APBA2: variants seen among roughly 807,000 people sequenced by gnomAD.
The protein encoded by APBA2 is amyloid beta precursor protein binding family A member 2.
Under a neutral mutation model 75.0 loss-of-function variants are expected in APBA2, and 30 were observed. That is an observed-to-expected ratio of 0.40 (90% CI 0.30 to 0.54). The LOEUF is 0.54. Among genes scored for constraint, APBA2 ranks in the 20% least tolerant of loss-of-function variants. The pLI, the probability that APBA2 is intolerant of heterozygous loss-of-function variation, is 0.49. For missense variants in APBA2, 801 were observed against 1,016.1 expected (o/e 0.79, Z 2.88); for synonymous variants, 444 against 409.6 (o/e 1.08, Z -1.01).
chr15:29,071,885 G>A (rs958837315), intron 4 of APBA2, among the ~76,000 whole-genome samples: 6 of 151,982 alleles, frequency 3.9e-5, no homozygotes, highest in South Asian at 4.2e-4. Context: ...TGTGTTGCCC[G>A]TGGACACCCC....
intron 3 of APBA2, among the ~76,000 whole-genome samples, chr15:29,030,271 A>G (rs535015790): frequency 4.5e-4 from 68 of 152,200 alleles, no homozygotes; most frequent in African/African-American, 1.6e-3. Flanking sequence ...CATCCTGGCT[A>G]ACATGGTGAA....
intron 2 of APBA2, among the ~76,000 whole-genome samples, chr15:28,936,481 C>T (rs1032279744): frequency 6.6e-6 from 1 of 152,200 alleles, no homozygotes; most frequent in African/African-American, 2.4e-5. Flanking sequence ...TTGGATACAC[C>T]GGTTCTGTGT....
intron 2 of APBA2, among the ~76,000 whole-genome samples, chr15:28,936,964 C>T (rs1027723480): frequency 3.9e-5 from 6 of 152,134 alleles, no homozygotes; most frequent in Middle Eastern, 6.3e-3. Flanking sequence ...CTCCAGTCTG[C>T]GAAATGGGCA....
chr15:29,071,055 A>T (rs2042598325), intron 4 of APBA2: 1 of 456,636 alleles, frequency 2.2e-6, no homozygotes, highest in Non-Finnish European at 4.4e-6. Flanking sequence ...CATTCCAGAG[A>T]GTGCTTGGAA....
chr15:28,892,488 G>A (rs1327459009), intron 1 of APBA2, among the ~76,000 whole-genome samples: 1 of 152,184 alleles, frequency 6.6e-6, no homozygotes, highest in Non-Finnish European at 1.5e-5. Flanking sequence ...CAGGTGTGTA[G>A]CCTGGGAGCA....
intron 4 of APBA2, among the ~76,000 whole-genome samples, chr15:29,064,152 C>G (rs1447640247): frequency 1.3e-5 from 2 of 152,110 alleles, no homozygotes; most frequent in Middle Eastern, 6.3e-3. Flanking sequence ...GCTGAGAAGC[C>G]CACACACCTC....
At chr15:29,055,077 T>C (rs1224090834) in intron 4 of APBA2, among the ~76,000 whole-genome samples, 1 of 152,194 alleles carries the variant, frequency 6.6e-6, no homozygotes, top group Non-Finnish European at 1.5e-5. Flanking sequence ...TGGCAACTCG[T>C]GTCTCGCAGA....
chr15:29,013,358 C>T lies in APBA2; in HGVS notation c.-41+17552C>T, dbSNP rs111832896. 0.021 allele frequency among the ~76,000 whole-genome samples: 3,070 copies of T among 146,996 alleles called. 164 individuals are homozygous for T. In the East Asian group the frequency reaches 0.21, roughly 10 times the overall value. ...GCAGTGGCATGATCTCGGCTTGCTG[C>T]GAGCTCCGCCTCACGGGTTCACGCC... is the stretch of plus-strand genomic sequence containing the variant. On this transcript the variant is annotated intron_variant, in intron 3 of 14. Transcript: ENST00000683413.
intron 2 of APBA2, among the ~76,000 whole-genome samples, chr15:28,934,310 G>T (rs1015615339): frequency 6.6e-6 from 1 of 152,162 alleles, no homozygotes; most frequent in Non-Finnish European, 1.5e-5. Flanking sequence ...GTGGACTCCT[G>T]TCTGCAGGTG....
chr15:29,064,877 G>A (rs1409428645), intron 4 of APBA2, among the ~76,000 whole-genome samples: 1 of 152,144 alleles, frequency 6.6e-6, no homozygotes, highest in African/African-American at 2.4e-5. Flanking sequence ...ACCTGTTGGC[G>A]GGGTCCCCTG....
intron 3 of APBA2, among the ~76,000 whole-genome samples, chr15:29,031,372 T>C (rs1008323763): frequency 6.6e-6 from 1 of 152,218 alleles, no homozygotes; most frequent in Non-Finnish European, 1.5e-5. Context: ...TCAGCAGGGC[T>C]GGCCTCCTCG....
rs1391730292 is a variant in APBA2 at position 29,117,083 on chromosome 15, G to A, written c.2200G>A (p.Ala734Thr). Residue 734 changes from alanine (A) to threonine (T), a missense_variant, in exon 15 of 15, where the codon GCC becomes ACC. Around this residue, in one of 2 missense-constraint regions of APBA2, gnomAD observed 367 missense variants for 544.5 expected, o/e 0.67. Transcript: ENST00000683413. ...GCAGATCCACATGAAGACCATGCCCGCCGCCATGTTCAGGCTCCTCACGGG... is the reference window on the plus strand; with the variant it reads ...GCAGATCCACATGAAGACCATGCCCACCGCCATGTTCAGGCTCCTCACGGG... The part of the protein sequence containing the change: ...VGEIHMKTMP[A>T]AMFRLLTGQE... 6 of 1,613,130 alleles carry A rather than the reference G, an allele frequency of 3.7e-6. No homozygotes were observed. Among genetic ancestry groups the A allele is most frequent in the South Asian group, 1.1e-5 (1 of 91,076 alleles).
rs751666150 is a variant in APBA2, at chr15:29,054,437, C to G, written c.553C>G (p.His185Asp). ...LEAHDQEEDG[H>D]YCASKEGYQD... is the part of the protein sequence containing the mutation. The stretch of plus-strand genomic sequence containing the variant: ...GGCCCATGACCAGGAAGAAGATGGT[C>G]ACTACTGTGCCAGCAAAGAGGGCTA... The change falls in exon 4 of 15, where the codon CAC becomes GAC. Residue 185 changes from histidine (H) to aspartate (D), a missense_variant. Around this residue, in one of 2 missense-constraint regions of APBA2, gnomAD observed 434 missense variants for 471.6 expected, o/e 0.92. Coordinates refer to ENST00000683413, the MANE Select transcript of APBA2 (RefSeq NM_001353788.2). This position sits in a 1 kb window ranked among gnomAD's most constrained non-coding sequence, Gnocchi z 6.1. The G allele has an allele frequency of 7.4e-6, 12 of 1,614,004 alleles. No homozygotes were observed. The Admixed American group carries it at 1.8e-4, about 25-fold the overall frequency.
At chr15:29,074,767 TTAAGTA>T (rs148844067) in intron 4 of APBA2, among the ~76,000 whole-genome samples, 148 bp from the exon 5 acceptor site, 3,575 of 152,216 alleles carry the variant, frequency 0.023, 85 homozygotes, top group Middle Eastern at 0.068. Context: ...GCATAGCAGT[TTAAGTA>T]TAATTAAATA....
In APBA2 at chr15:28,991,555, T is replaced by C. The variant is rs777716335; in HGVS notation, c.-94-4198T>C. ...CCAGCCCACGAAGGCCATGTGAGTG[T>C]GAACCCCCATTACAAGCTTTCCCTC... On this transcript the variant is annotated intron_variant, in intron 2 of 14. Coordinates refer to ENST00000683413, the MANE Select transcript of APBA2 (RefSeq NM_001353788.2). This position sits in a 1 kb window ranked among gnomAD's most constrained non-coding sequence, Gnocchi z 4.7. Among the ~76,000 whole-genome samples, 39 of 152,322 alleles carry C rather than the reference T, an allele frequency of 2.6e-4. No individual in the cohort carries two copies. Among genetic ancestry groups the C allele is most frequent in the Non-Finnish European group, 4.9e-4 (33 of 68,020 alleles).
At chr15:28,949,341 G>A (rs2035726148) in intron 2 of APBA2, among the ~76,000 whole-genome samples, 1 of 152,188 alleles carries the variant, frequency 6.6e-6, no homozygotes, top group Non-Finnish European at 1.5e-5. Flanking sequence ...GTCAGGGCCG[G>A]GCAGAAGCCC....
At chr15:29,092,732 G>A (rs1454151601) in intron 6 of APBA2, among the ~76,000 whole-genome samples, 2 of 152,180 alleles carry the variant, frequency 1.3e-5, no homozygotes, top group Non-Finnish European at 2.9e-5. Context: ...TGTGGGGAAG[G>A]CATGGAAAGT....
chr15:29,034,748 C>A (rs2040658848), intron 3 of APBA2, among the ~76,000 whole-genome samples: 1 of 152,184 alleles, frequency 6.6e-6, no homozygotes, highest in African/African-American at 2.4e-5. Flanking sequence ...TCAGAATCCC[C>A]TGGAGATCTT....
chr15:29,024,398 C>G (rs1201629277), intron 3 of APBA2, among the ~76,000 whole-genome samples: 1 of 152,224 alleles, frequency 6.6e-6, no homozygotes, highest in Non-Finnish European at 1.5e-5. Flanking sequence ...AGAATGTCCT[C>G]TACAGCTGGT....
Sources: allele counts gnomAD v4.1 joint callset (sites outside exome capture counted in the v4.1 genomes callset), GRCh38; gene constraint gnomAD v4.1.1; regional missense constraint gnomAD v4.1.1; non-coding constraint Gnocchi (gnomAD v3.1); transcripts MANE v1.5; gene names NCBI Gene and HGNC (gene_info 2026-07-23, HGNC 2026-07-21).